Variants in RAB3C observed in about 807,000 individuals in gnomAD.
The protein encoded by RAB3C is RAB3C, member RAS oncogene family, also known as ras-related protein Rab-3C.
In RAB3C, 17 loss-of-function variants were observed where a neutral mutation model predicts 26.4. The ratio of observed to expected loss-of-function variants is 0.64; its 90% CI spans 0.44 to 0.97. RAB3C has a LOEUF of 0.97. Ranked by LOEUF, RAB3C falls within the 50% of genes least tolerant of loss-of-function variation. The pLI is 0.00. For synonymous variants in RAB3C, 91 were observed against 95.9 expected, an observed-to-expected ratio of 0.95 and a Z score of 0.30; for missense variants, 242 against 281.9, an observed-to-expected ratio of 0.86 and a Z score of 1.01.
At chr5:58,636,272 C>G (rs907072296) in intron 2 of RAB3C, among the ~76,000 whole-genome samples, 1 of 152,210 alleles carries the variant, frequency 6.6e-6, no homozygotes, top group African/African-American at 2.4e-5. Context: ...TCTATCCCAG[C>G]TCTCTAGTAG....
At chr5:58,797,358 GTA>G (rs1206660459) in intron 3 of RAB3C, among the ~76,000 whole-genome samples, 4 of 26,290 alleles carry the variant, frequency 1.5e-4, no homozygotes, top group East Asian at 1.2e-3. Flanking sequence ...AAAAAAATAT[GTA>G]TATATATAAT....
chr5:58,825,310 CA>C (rs1234125731), intron 4 of RAB3C, 148 bp downstream of exon 4: 1 of 857,120 alleles, frequency 1.2e-6, no homozygotes, highest in Non-Finnish European at 1.6e-6. Context: ...CCTAAGTGGA[CA>C]ATATATTTTC....
intron 3 of RAB3C, chr5:58,784,883 C>T (rs1359846811): frequency 6.6e-6 from 1 of 152,240 alleles, no homozygotes; most frequent in African/African-American, 2.4e-5. Context: ...CCCACACAGT[C>T]AAAGCATTGT....
rs1408528918 is a variant in RAB3C, at chr5:58,693,342, A to ATG, written c.253-32659_253-32658insGT. Among the ~76,000 whole-genome samples, 677 of 137,630 alleles carry ATG rather than the reference A, an allele frequency of 4.9e-3. 10 individuals are homozygous for ATG. Among genetic ancestry groups the ATG allele is most frequent in the Middle Eastern group, 7.2e-3 (2 of 276 alleles). The allele number at this position is 137,630 out of a possible 152,430, so 90.3% of individuals were successfully genotyped here. On this transcript the variant is annotated intron_variant, in intron 2 of 4. Transcript: ENST00000282878. The stretch of plus-strand genomic sequence containing the variant: ...AGAAATTATATATATATGTGTATAT[A>ATG]TATATATATATATATATATAAAATT...
At chr5:58,776,611 A>G (rs1742147304) in intron 3 of RAB3C, among the ~76,000 whole-genome samples, 1 of 151,374 alleles carries the variant, frequency 6.6e-6, no homozygotes, top group African/African-American at 2.4e-5. Context: ...TATTTATACC[A>G]CTCCCCTTTT....
At chr5:58,650,568 G>A (rs1747622769) in intron 2 of RAB3C, among the ~76,000 whole-genome samples, 1 of 152,158 alleles carries the variant, frequency 6.6e-6, no homozygotes, top group Non-Finnish European at 1.5e-5. Context: ...GCATACGTGT[G>A]CTAAACATTA....
chr5:58,826,604 T>C (rs1334502147), intron 4 of RAB3C, among the ~76,000 whole-genome samples: 1 of 152,146 alleles, frequency 6.6e-6, no homozygotes, highest in African/African-American at 2.4e-5. Flanking sequence ...AGCAACCCAA[T>C]ACATACATAT....
At chr5:58,694,082 AG>A (rs1748637481) in intron 2 of RAB3C, among the ~76,000 whole-genome samples, 1 of 151,930 alleles carries the variant, frequency 6.6e-6, no homozygotes, top group South Asian at 2.1e-4. Context: ...TCGCTCCCCC[AG>A]CCCCTCCACC....
At position 58,648,541 on chromosome 5, in the gene RAB3C, T is replaced by C. The variant is rs1034623021; in HGVS notation, c.252+30671T>C. Among the ~76,000 whole-genome samples the C allele has an allele frequency of 2.0e-5, 3 of 152,276 alleles. No homozygotes were observed. In the South Asian group the frequency reaches 6.2e-4, roughly 32 times the overall value. On this transcript the variant is annotated intron_variant, in intron 2 of 4. Coordinates refer to ENST00000282878, the MANE Select transcript of RAB3C (RefSeq NM_138453.4). ...AATGAAGTAGAAAATAAAAACAAAA[T>C]ATTCTCCTGTTTCTTGAAAAGATTT...
intron 2 of RAB3C, among the ~76,000 whole-genome samples, chr5:58,661,638 T>C (rs1482605131): frequency 6.8e-6 from 1 of 146,656 alleles, no homozygotes; most frequent in Non-Finnish European, 1.5e-5. Flanking sequence ...CCTGCCTGTA[T>C]CTAGTGTGGT....
At chr5:58,612,889 C>T (rs552870411) in intron 1 of RAB3C, among the ~76,000 whole-genome samples, 2 of 152,040 alleles carry the variant, frequency 1.3e-5, no homozygotes, top group Admixed American at 1.3e-4. Context: ...AGAGGGCATC[C>T]TTGTCTTGTG....
intron 2 of RAB3C, among the ~76,000 whole-genome samples, chr5:58,675,881 G>A (rs1196476143): frequency 1.3e-5 from 2 of 151,984 alleles, no homozygotes; most frequent in African/African-American, 4.8e-5. Flanking sequence ...GGTCTCCTGG[G>A]TGGGTTCCTT....
At chr5:58,719,879 A>T (rs1740706341) in intron 2 of RAB3C, among the ~76,000 whole-genome samples, 1 of 151,922 alleles carries the variant, frequency 6.6e-6, no homozygotes, top group South Asian at 2.1e-4. Flanking sequence ...ACCACTAAAC[A>T]ACTTAATTCA....
In RAB3C at chr5:58,859,274, T is replaced by C. The variant is rs897155113; in HGVS notation, c.*7923T>C. The C allele has an allele frequency of 3.3e-5, 5 of 152,198 alleles. No individual in the cohort carries two copies. Among genetic ancestry groups the C allele is most frequent in the Admixed American group, 6.5e-5 (1 of 15,272 alleles). The allele number at this position is 152,198 out of a possible 1,614,324, so 9.4% of individuals were successfully genotyped here. ...ATTGAAATTAATTGTGTAAAAATGG[T>C]ATGTGCTCTATTAGGTATTCAGTTT... On this transcript the variant is annotated 3_prime_UTR_variant, in exon 5 of 5. Transcript: ENST00000282878.
intron 2 of RAB3C, among the ~76,000 whole-genome samples, chr5:58,644,796 G>C (rs1215865962): frequency 6.6e-6 from 1 of 152,130 alleles, no homozygotes; most frequent in Non-Finnish European, 1.5e-5. Flanking sequence ...CACACTTGCA[G>C]AGCTACCATG....
intron 4 of RAB3C, among the ~76,000 whole-genome samples, chr5:58,843,415 G>T (rs1379837208): frequency 6.6e-6 from 1 of 152,144 alleles, no homozygotes; most frequent in African/African-American, 2.4e-5. Flanking sequence ...GCTGGAAATT[G>T]TCTCCTTTAT....
At chr5:58,839,571 T>C (rs1743830862) in intron 4 of RAB3C, among the ~76,000 whole-genome samples, 1 of 151,966 alleles carries the variant, frequency 6.6e-6, no homozygotes, top group Non-Finnish European at 1.5e-5. Flanking sequence ...GGTTTCTCCA[T>C]GTTGGTTAGG....
At chr5:58,772,592 A>T (rs1742052116) in intron 3 of RAB3C, among the ~76,000 whole-genome samples, 1 of 152,168 alleles carries the variant, frequency 6.6e-6, no homozygotes, top group Non-Finnish European at 1.5e-5. Flanking sequence ...TCATGAGAAC[A>T]AAGAAGACGA....
chr5:58,751,676 G>A (rs1305175173), intron 3 of RAB3C, among the ~76,000 whole-genome samples: 2 of 152,204 alleles, frequency 1.3e-5, no homozygotes, highest in East Asian at 3.8e-4. Context: ...TAACTGTTTA[G>A]TGGTAACGAC....
Sources: allele counts gnomAD v4.1 joint callset (sites outside exome capture counted in the v4.1 genomes callset), GRCh38; gene constraint gnomAD v4.1.1; transcripts MANE v1.5; gene names NCBI Gene and HGNC (gene_info 2026-07-23, HGNC 2026-07-21).